C3orf38: variants seen among roughly 807,000 people sequenced by gnomAD.
C3orf38 encodes the protein uncharacterized protein C3orf38.
C3orf38 carries 18 observed loss-of-function variants against 28.3 expected under a neutral mutation model. The ratio of observed to expected loss-of-function variants is 0.64; its 90% CI spans 0.44 to 0.94. C3orf38 has a LOEUF of 0.94. Among genes scored for constraint, C3orf38 ranks in the 40% least tolerant of loss-of-function variants. The pLI, the probability that C3orf38 is intolerant of heterozygous loss-of-function variation, is 0.00. For missense variants in C3orf38, 364 were observed against 396.4 expected, an observed-to-expected ratio of 0.92 and a Z score of 0.69; for synonymous variants, 145 against 138.1, an observed-to-expected ratio of 1.05 and a Z score of -0.35.
chr3:88,150,132 T>C lies in C3orf38; in HGVS notation c.80T>C (p.Met27Thr). 1 of 1,614,140 alleles carries C rather than the reference T, an allele frequency of 6.2e-7. No homozygotes were observed. The highest frequency in any genetic ancestry group is 8.5e-7 in the Non-Finnish European group (1 of 1,180,024). Residue 27 changes from methionine to threonine, a missense_variant, in exon 1 of 3, where the codon ATG (methionine) becomes ACG (threonine). Physicochemically the swap from Met to Thr is moderately conservative, Grantham distance 81. Coordinates refer to ENST00000318887, the MANE Select transcript of C3orf38 (RefSeq NM_173824.4). The stretch of plus-strand genomic sequence containing the variant: ...GGCCTACTGGACAACGACGAGATCA[T>C]GGCCCTATGCGACACTGTCACCAAC... ...LLGLLDNDEI[M>T]ALCDTVTNRL...
intron 1 of C3orf38, 35 bp from the exon 2 acceptor site, chr3:88,153,195 A>C (rs1277859540): frequency 6.3e-7 from 1 of 1,587,416 alleles, no homozygotes; most frequent in East Asian, 2.2e-5. Flanking sequence ...TAAGTGCCTC[A>C]TGATTTTTTA....
chr3:88,152,613 G>A (rs1230303519), intron 1 of C3orf38, among the ~76,000 whole-genome samples: 1 of 151,922 alleles, frequency 6.6e-6, no homozygotes, highest in Non-Finnish European at 1.5e-5. Context: ...AAATTAGCTG[G>A]GCGTCGTGGC....
At position 88,156,373 on chromosome 3, in the gene C3orf38, G is replaced by A. The variant is rs1707479881; in HGVS notation, c.728G>A (p.Gly243Glu). 1.2e-6 allele frequency: 2 copies of A among 1,614,196 alleles called. No individual in the cohort carries two copies. The highest frequency in any genetic ancestry group is 1.7e-6 in the Non-Finnish European group (2 of 1,180,044). The stretch of plus-strand genomic sequence containing the variant: ...GGAGTTGCTGGGACTGTCCATCGAG[G>A]AAACACTTGTTTGGGCATTTTTGAA... Reference protein sequence around the residue: ...MVGVAGTVHRGNTCLGIFEQI... With the variant: ...MVGVAGTVHRENTCLGIFEQI... The change falls in exon 3 of 3, where the codon GGA (glycine) becomes GAA (glutamate). Residue 243 changes from glycine (G) to glutamate (E), a missense_variant. Physicochemically the swap from Gly to Glu is moderately conservative, Grantham distance 98 (BLOSUM62 -2). Transcript: ENST00000318887.
In C3orf38 at chr3:88,156,036, A is replaced by G. The variant is rs1707474604; in HGVS notation, c.391A>G (p.Lys131Glu). 1.3e-6 allele frequency: 2 copies of G among 1,539,610 alleles called. No individual in the cohort carries two copies. Among genetic ancestry groups the G allele is most frequent in the Non-Finnish European group, 1.7e-6 (2 of 1,146,292 alleles). The part of the protein sequence containing the change: ...HLFQQQVKED[K>E]KAEKVDFRRL... ...TTTCAATCAGCAGGTGAAAGAAGAT[A>G]AAAAAGCTGAAAAAGTTGATTTTCG... Residue 131 changes from lysine (K) to glutamate (E), a missense_variant, in exon 3 of 3, where the codon AAA becomes GAA. Coordinates refer to ENST00000318887, the MANE Select transcript of C3orf38 (RefSeq NM_173824.4).
intron 2 of C3orf38, among the ~76,000 whole-genome samples, chr3:88,154,880 G>C (rs999530851): frequency 2.1e-5 from 3 of 146,158 alleles, no homozygotes; most frequent in African/African-American, 7.6e-5. Context: ...TTTTTTTTGA[G>C]ACAAAGTCTG....
intron 1 of C3orf38, among the ~76,000 whole-genome samples, chr3:88,150,447 T>G (rs896233289): frequency 6.6e-6 from 1 of 152,208 alleles, no homozygotes; most frequent in African/African-American, 2.4e-5. Flanking sequence ...TTTTTAAAAA[T>G]TTTAAAAAAT....
In C3orf38 at chr3:88,156,068, A is replaced by C; in HGVS notation, c.423A>C (p.Leu141=). ...CTGAAAAAGTTGATTTTCGTCGCCT[A>C]GGAGAAGAATTCTGTCATTGGTTCT... The part of the protein sequence containing the change: ...KKAEKVDFRR[L]GEEFCHWFFG... Residue 141 remains leucine, a synonymous_variant, in exon 3 of 3, where the codon CTA becomes CTC. Coordinates refer to ENST00000318887, the MANE Select transcript of C3orf38 (RefSeq NM_173824.4). 1 of 1,567,958 alleles carries C rather than the reference A, an allele frequency of 6.4e-7. No individual in the cohort carries two copies. Among genetic ancestry groups the C allele is most frequent in the Non-Finnish European group, 8.6e-7 (1 of 1,160,758 alleles).
In C3orf38 at chr3:88,156,668, A is replaced by C. The variant is rs201228824; in HGVS notation, c.*33A>C. The C allele has an allele frequency of 6.3e-7, 1 of 1,587,052 alleles. No homozygotes were observed. Among genetic ancestry groups the C allele is most frequent in the South Asian group, 1.2e-5 (1 of 86,008 alleles). On this transcript the variant is annotated 3_prime_UTR_variant, in exon 3 of 3. Transcript: ENST00000318887. ...GAAATGAGACATTGCTGAACAAAAG[A>C]GAACTGGGTTTACCTGACCCTCTAA...
rs750199062 is a variant in C3orf38, at chr3:88,153,440, C to T, written c.344C>T (p.Thr115Ile). 6.2e-7 allele frequency: 1 copy of T among 1,613,908 alleles called. No homozygotes were observed. The highest frequency in any genetic ancestry group is 8.5e-7 in the Non-Finnish European group (1 of 1,179,970). ...TTGAAGGAAACGCCAGAGCCAGTTA[C>T]AAAGACAGAGGACATCCACCTATTT... ...LKLKETPEPVTKTEDIHLFQQ... is the reference protein window; with the variant it reads ...LKLKETPEPVIKTEDIHLFQQ... Residue 115 changes from threonine to isoleucine, a missense_variant, in exon 2 of 3, where the codon ACA becomes ATA. Transcript: ENST00000318887.
intron 1 of C3orf38, 77 bp from the exon 2 acceptor site, chr3:88,153,153 G>T (rs1707438038): frequency 7.5e-7 from 1 of 1,332,136 alleles, no homozygotes; most frequent in Non-Finnish European, 1.0e-6. Flanking sequence ...AAACATATTT[G>T]ATAGAGTTTC....
rs929700879 is a variant in C3orf38 at position 88,157,764 on chromosome 3, A to T, written c.*1129A>T. The T allele has an allele frequency of 2.0e-5, 3 of 152,148 alleles. No individual in the cohort carries two copies. The highest frequency in any genetic ancestry group is 4.4e-5 in the Non-Finnish European group (3 of 67,988). The allele number at this position is 152,148 out of a possible 1,614,324, so 9.4% of individuals were successfully genotyped here. A position where few individuals can be genotyped will look rare whatever the true frequency, so the allele number is the denominator to read the frequency against. On this transcript the variant is annotated 3_prime_UTR_variant, in exon 3 of 3. Transcript: ENST00000318887. ...AAATTACCATTTGGAAAAGAACTCA[A>T]TTGGGAAATGTGATGACGTATTGTA... is the stretch of plus-strand genomic sequence containing the variant.
Position 88,154,398 on chromosome 3 carries a change from A to C in C3orf38, c.375+927A>C, listed in dbSNP as rs545129971. ...TACTTTTTTTTTTTTAACTAGAAAAAGTCCTATTGTAGAAATATTCTCCAG... is the reference window on the plus strand; with the variant it reads ...TACTTTTTTTTTTTTAACTAGAAAACGTCCTATTGTAGAAATATTCTCCAG... On this transcript the variant is annotated intron_variant, in intron 2 of 2. Transcript: ENST00000318887. Among the ~76,000 whole-genome samples, 25 of 152,004 alleles carry C rather than the reference A, an allele frequency of 1.6e-4. No homozygotes were observed. In the South Asian group the frequency reaches 5.2e-3, roughly 32 times the overall value.
chr3:88,153,535 T>C, intron 2 of C3orf38, 64 bp downstream of exon 2: 1 of 1,547,484 alleles, frequency 6.5e-7, no homozygotes, highest in Non-Finnish European at 8.8e-7. Flanking sequence ...TTGATAATCC[T>C]AGATTGTGGG....
chr3:88,151,845 C>A (rs1707418677), intron 1 of C3orf38, among the ~76,000 whole-genome samples: 1 of 152,048 alleles, frequency 6.6e-6, no homozygotes, highest in African/African-American at 2.4e-5. Flanking sequence ...GAATTTATAG[C>A]ACAATTTAAA....
chr3:88,152,484 C>T (rs1175950747), intron 1 of C3orf38, among the ~76,000 whole-genome samples: 4 of 151,532 alleles, frequency 2.6e-5, no homozygotes, highest in Non-Finnish European at 5.9e-5. Context: ...ATAGTTGGGC[C>T]GGGCTTGGTG....
At chr3:88,150,292 A>G in intron 1 of C3orf38, 107 bp downstream of exon 1, 2 of 1,365,544 alleles carry the variant, frequency 1.5e-6, no homozygotes, top group Non-Finnish European at 2.0e-6. Context: ...GCAGATCCAC[A>G]GCTCTGGAAC....
chr3:88,157,242 G>C lies in C3orf38; in HGVS notation c.*607G>C, dbSNP rs9826925. 6.6e-6 allele frequency: 1 copy of C among 152,206 alleles called. No individual in the cohort carries two copies. Among genetic ancestry groups the C allele is most frequent in the Non-Finnish European group, 1.5e-5 (1 of 68,032 alleles). 9.4% of individuals were successfully genotyped at this position (152,206 alleles called of 1,614,324 possible). ...AAGAAAAACTTACTACCTCTTTAAA[G>C]ATTTGAGAAACATTTTTCAAAGTTA... On this transcript the variant is annotated 3_prime_UTR_variant, in exon 3 of 3. Coordinates refer to ENST00000318887, the MANE Select transcript of C3orf38 (RefSeq NM_173824.4).
At chr3:88,152,285 A>G (rs1464080474) in intron 1 of C3orf38, among the ~76,000 whole-genome samples, 3 of 151,842 alleles carry the variant, frequency 2.0e-5, no homozygotes, top group Admixed American at 2.0e-4. Context: ...GTGTGGTGGC[A>G]CACACCTGTA....
chr3:88,153,853 A>G (rs1396803440), intron 2 of C3orf38, among the ~76,000 whole-genome samples: 1 of 152,154 alleles, frequency 6.6e-6, no homozygotes, highest in Non-Finnish European at 1.5e-5. Flanking sequence ...ATGAGCCACC[A>G]TGCCCAGCCT....
Sources: gnomAD v4.1 joint callset for allele counts (sites outside exome capture counted in the v4.1 genomes callset) on GRCh38, gnomAD v4.1.1 for gene constraint, MANE v1.5 for transcripts, NCBI Gene and HGNC (gene_info 2026-07-23, HGNC 2026-07-21) for gene names.